SORCS1: variants seen among roughly 807,000 people sequenced by gnomAD.
SORCS1 encodes VPS10 domain-containing receptor SorCS1.
In SORCS1, 60 loss-of-function variants were observed where a neutral mutation model predicts 146.1. The observed-to-expected ratio is 0.41, with a 90% CI of 0.33 to 0.51. SORCS1 has a LOEUF of 0.51. Among genes scored for constraint, SORCS1 ranks in the 20% least tolerant of loss-of-function variants. The probability of loss-of-function intolerance (pLI) is 0.21; values close to 1 mark genes in which losing one functional copy is unlikely to be tolerated. For missense variants in SORCS1, 1,352 were observed against 1,487.6 expected (o/e 0.91, Z 1.50); for synonymous variants, 637 against 584.0 (o/e 1.09, Z -1.31).
At chr10:106,987,267 T>C (rs1423478240) in intron 1 of SORCS1, among the ~76,000 whole-genome samples, 3 of 152,222 alleles carry the variant, frequency 2.0e-5, no homozygotes, top group African/African-American at 7.2e-5. Context: ...CATGGAAGGC[T>C]CAGCTACTTA....
chr10:106,890,624 GGA>G (rs1951191920), intron 2 of SORCS1, among the ~76,000 whole-genome samples: 1 of 152,118 alleles, frequency 6.6e-6, no homozygotes, highest in Non-Finnish European at 1.5e-5. Flanking sequence ...GGCTACTAGG[GGA>G]GAATGCTGAA....
chr10:106,755,644 C>A (rs1322284484), intron 5 of SORCS1, among the ~76,000 whole-genome samples: 1 of 151,896 alleles, frequency 6.6e-6, no homozygotes, highest in East Asian at 1.9e-4. Flanking sequence ...TTTCCTCCAA[C>A]CTTGAACCAT....
chr10:107,113,379 T>C (rs1965818540), intron 1 of SORCS1, among the ~76,000 whole-genome samples: 1 of 152,064 alleles, frequency 6.6e-6, no homozygotes, highest in Non-Finnish European at 1.5e-5. Context: ...TATATAGTGA[T>C]AAATGCCAAC....
At chr10:106,816,658 T>A (rs1408073471) in intron 3 of SORCS1, among the ~76,000 whole-genome samples, 1 of 152,230 alleles carries the variant, frequency 6.6e-6, no homozygotes, top group South Asian at 2.1e-4. Flanking sequence ...CAAAAGGTCA[T>A]TTAATTGAAA....
chr10:106,856,579 G>A (rs559582057), intron 2 of SORCS1, among the ~76,000 whole-genome samples: 6 of 152,276 alleles, frequency 3.9e-5, no homozygotes, highest in South Asian at 4.1e-4. Flanking sequence ...ATGCTCTGGC[G>A]TATTTCAAAA....
rs1969975801 is a variant in SORCS1, at chr10:107,164,600, TG to T, written c.-75del. 5.7e-6 allele frequency: 7 copies of T among 1,222,644 alleles called. No homozygotes were observed. Among genetic ancestry groups the T allele is most frequent in the Admixed American group, 8.4e-5 (2 of 23,920 alleles). 75.7% of individuals were successfully genotyped at this position (1,222,644 alleles called of 1,614,324 possible). A position where few individuals can be genotyped will look rare whatever the true frequency, so the allele number is the denominator to read the frequency against. On this transcript the variant is annotated 5_prime_UTR_variant, in exon 1 of 26. Transcript: ENST00000263054. The surrounding 1 kb of genome is among the most constrained non-coding windows in gnomAD (Gnocchi z 6.8). The stretch of plus-strand genomic sequence containing the variant: ...GGCACGAGCTCTGCGCTGGCGGCTG[TG>T]GGGGGCCGGCGCTCAGGACCCCAAC...
chr10:107,059,051 A>C (rs1248040826), intron 1 of SORCS1, among the ~76,000 whole-genome samples: 2 of 152,344 alleles, frequency 1.3e-5, no homozygotes, highest in East Asian at 3.9e-4. Flanking sequence ...AAAACCAATA[A>C]GTAATTTTTA....
At chr10:107,120,997 A>C (rs1966372689) in intron 1 of SORCS1, among the ~76,000 whole-genome samples, 1 of 152,206 alleles carries the variant, frequency 6.6e-6, no homozygotes, top group African/African-American at 2.4e-5. Context: ...ATAAAGAGAA[A>C]AGCGACCAGC....
At chr10:106,704,935 G>T (rs983760242) in intron 8 of SORCS1, among the ~76,000 whole-genome samples, 1 of 151,888 alleles carries the variant, frequency 6.6e-6, no homozygotes, top group Non-Finnish European at 1.5e-5. Context: ...ACAAAACCTG[G>T]CTCTGTTGTA....
In SORCS1 at chr10:106,629,254, C is replaced by A; in HGVS notation, c.2610G>T (p.Gln870His). The A allele has an allele frequency of 6.2e-7, 1 of 1,614,088 alleles. No homozygotes were observed. The highest frequency in any genetic ancestry group is 8.5e-7 in the Non-Finnish European group (1 of 1,179,990). The change falls in exon 19 of 26, where the codon CAG (glutamine) becomes CAT (histidine). Residue 870 changes from glutamine (Q) to histidine (H), a missense_variant. Physicochemically the swap from Gln to His is conservative, Grantham distance 24. Transcript: ENST00000263054. ...QNVGIFRVTVQVDNSLGSDSA... is the reference protein window; with the variant it reads ...QNVGIFRVTVHVDNSLGSDSA... ...TGTCAGAACCCAGACTGTTGTCCACCTGCACGGTCACACGGAAAATGCCCA... is the reference window on the plus strand; with the variant it reads ...TGTCAGAACCCAGACTGTTGTCCACATGCACGGTCACACGGAAAATGCCCA...
intron 1 of SORCS1, among the ~76,000 whole-genome samples, chr10:107,057,145 T>C (rs1454381586): frequency 2.0e-5 from 3 of 152,270 alleles, no homozygotes; most frequent in South Asian, 4.1e-4. Flanking sequence ...GATGAAAGAC[T>C]AGAAAAGAAT....
chr10:106,750,854 T>C (rs1858143618), intron 5 of SORCS1, among the ~76,000 whole-genome samples: 2 of 145,922 alleles, frequency 1.4e-5, no homozygotes, highest in South Asian at 4.3e-4. Context: ...GGTCAAGAGA[T>C]GGAGACCATC....
At chr10:106,865,249 G>A (rs568489307) in intron 2 of SORCS1, among the ~76,000 whole-genome samples, 1 of 151,750 alleles carries the variant, frequency 6.6e-6, no homozygotes, top group African/African-American at 2.4e-5. Flanking sequence ...CCTCCTACAG[G>A]TGCATTTGAG....
At chr10:106,579,732 C>T (rs1844791797) in intron 24 of SORCS1, among the ~76,000 whole-genome samples, 2 of 151,940 alleles carry the variant, frequency 1.3e-5, no homozygotes, top group South Asian at 2.1e-4. Flanking sequence ...TCAGGTCCCA[C>T]TCTAACTAGC....
intron 2 of SORCS1, among the ~76,000 whole-genome samples, chr10:106,885,703 CA>C (rs1950973928): frequency 6.6e-6 from 1 of 152,090 alleles, no homozygotes. Flanking sequence ...TGTCCCCCCC[CA>C]AATCTCATCT....
intron 13 of SORCS1, 144 bp from the exon 14 acceptor site, chr10:106,675,300 A>G: frequency 5.0e-6 from 3 of 602,142 alleles, no homozygotes; most frequent in Non-Finnish European, 2.9e-6. Flanking sequence ...ATGAATAAGT[A>G]TTCTTAATTA....
chr10:107,143,639 G>C (rs1968035161), intron 1 of SORCS1, among the ~76,000 whole-genome samples: 3 of 152,106 alleles, frequency 2.0e-5, no homozygotes. Context: ...GAGTAGCTGG[G>C]ATTACAGGCA....
At chr10:106,787,867 G>A (rs992851549) in intron 3 of SORCS1, among the ~76,000 whole-genome samples, 2 of 152,144 alleles carry the variant, frequency 1.3e-5, no homozygotes, top group African/African-American at 4.8e-5. Flanking sequence ...GCCATTTTCA[G>A]ACCCAGGTTC....
At chr10:107,171,050 C>T in the SORCS1 span, among the ~76,000 whole-genome samples, 1 of 152,168 alleles carries the variant, frequency 6.6e-6, no homozygotes, top group Non-Finnish European at 1.5e-5. Flanking sequence ...ACTGATTTAC[C>T]TGAGACAGAG....
Sources: allele counts gnomAD v4.1 joint callset (sites outside exome capture counted in the v4.1 genomes callset), GRCh38; gene constraint gnomAD v4.1.1; non-coding constraint Gnocchi (gnomAD v3.1); transcripts MANE v1.5; gene names NCBI Gene and HGNC (gene_info 2026-07-23, HGNC 2026-07-21).